COX4I1: variants seen among roughly 807,000 people sequenced by gnomAD.
COX4I1 encodes cytochrome c oxidase subunit 4I1, also known as cytochrome c oxidase subunit 4 isoform 1, mitochondrial.
A neutral mutation model predicts 21.7 loss-of-function variants in COX4I1; 18 were observed. The ratio of observed to expected loss-of-function variants is 0.83; its 90% CI spans 0.57 to 1.23. The LOEUF is 1.23. Ranked by LOEUF, COX4I1 falls within the 50% of genes most tolerant of loss-of-function variation. COX4I1 has a pLI of 0.00. For missense variants in COX4I1, 238 were observed against 220.7 expected (o/e 1.08, Z -0.50); for synonymous variants, 100 against 81.5 (o/e 1.23, Z -1.23).
At chr16:85,806,462 T>G (rs910293669) in intron 4 of COX4I1, 1 of 703,910 alleles carries the variant, frequency 1.4e-6, no homozygotes, top group Non-Finnish European at 2.6e-6. Context: ...CCAGGTCACC[T>G]TGGGCTCTGT....
chr16:85,806,955 AT>A lies in COX4I1; in HGVS notation c.*82del. 6.7e-7 allele frequency: 1 copy of A among 1,481,596 alleles called. No individual in the cohort carries two copies. 91.8% of individuals were successfully genotyped at this position (1,481,596 alleles called of 1,614,324 possible). A position where few individuals can be genotyped will look rare whatever the true frequency, so the allele number is the denominator to read the frequency against. On this transcript the variant is annotated 3_prime_UTR_variant, in exon 5 of 5. Transcript: ENST00000253452. ...CATGCCTATTTACTGGAAACCTGTT[AT>A]GCCAAACAGTTGTACCACTGCTAAT...
At position 85,801,198 on chromosome 16, in the gene COX4I1, C is replaced by T. The variant is rs375272236; in HGVS notation, c.-1-7C>T. Reference sequence around the variant, plus strand: ...TCATAGAGAAGGTGTACATTTTTATCTTTCAGAATGTTGGCTACCAGGGTA... The same window carrying T: ...TCATAGAGAAGGTGTACATTTTTATTTTTCAGAATGTTGGCTACCAGGGTA... On this transcript the variant is annotated splice_polypyrimidine_tract_variant and splice_region_variant and intron_variant, in intron 1 of 4. Transcript: ENST00000253452. The T allele has an allele frequency of 7.5e-6, 12 of 1,602,322 alleles. No homozygotes were observed. Among genetic ancestry groups the T allele is most frequent in the Non-Finnish European group, 9.4e-6 (11 of 1,170,286 alleles).
chr16:85,804,943 T>C lies in COX4I1; in HGVS notation c.80T>C (p.Val27Ala). The part of the protein sequence containing the change: ...TSVCVRAHES[V>A]VKSEDFSLPA... Reference sequence around the variant, plus strand: ...TATTCAATATGTTTTTCAGAAAGTGTTGTGAAGAGCGAAGACTTTTCGCTC... The same window carrying C: ...TATTCAATATGTTTTTCAGAAAGTGCTGTGAAGAGCGAAGACTTTTCGCTC... The change falls in exon 3 of 5, where the codon GTT becomes GCT. Residue 27 changes from valine (V) to alanine (A), a missense_variant. By Grantham distance (64) the Val-to-Ala change is moderately conservative. Transcript: ENST00000253452. The C allele has an allele frequency of 6.2e-7, 1 of 1,606,750 alleles. No individual in the cohort carries two copies. The highest frequency in any genetic ancestry group is 8.5e-7 in the Non-Finnish European group (1 of 1,177,082).
intron 1 of COX4I1, among the ~76,000 whole-genome samples, chr16:85,800,564 C>T (rs1046217354): frequency 9.8e-5 from 15 of 152,342 alleles, no homozygotes; most frequent in Non-Finnish European, 7.3e-5. Context: ...TCTGTCACGG[C>T]AGCACAGTGC....
At chr16:85,801,475 T>G (rs1164130115) in intron 2 of COX4I1, among the ~76,000 whole-genome samples, 197 bp downstream of exon 2, 1 of 152,138 alleles carries the variant, frequency 6.6e-6, no homozygotes, top group Non-Finnish European at 1.5e-5. Flanking sequence ...CTTCTGGATC[T>G]TTGGTTATAC....
In COX4I1 at chr16:85,799,848, G is replaced by C. The variant is rs563838844; in HGVS notation, c.-2+96G>C. 1.3e-5 allele frequency: 2 copies of C among 152,496 alleles called. No individual in the cohort carries two copies. Among genetic ancestry groups the C allele is most frequent in the East Asian group, 1.9e-4 (1 of 5,162 alleles). 9.4% of individuals were successfully genotyped at this position (152,496 alleles called of 1,614,324 possible). ...TGCACGTCCGCAGCCTGGCCGCTCG[G>C]CTTCAGCAGGAAGCACCGAATGGGC... On this transcript the variant is annotated intron_variant, in intron 1 of 4. Coordinates refer to ENST00000253452, the MANE Select transcript of COX4I1 (RefSeq NM_001861.6). The surrounding 1 kb of genome is among the most constrained non-coding windows in gnomAD (Gnocchi z 4.2).
chr16:85,806,213 A>T, intron 4 of COX4I1: 1 of 589,156 alleles, frequency 1.7e-6, no homozygotes, highest in Non-Finnish European at 3.0e-6. Context: ...GGACTCATTC[A>T]TTGAATGACT....
At chr16:85,805,555 C>A (rs1164086601) in intron 3 of COX4I1, 178 bp from the exon 4 acceptor site, 2 of 834,096 alleles carry the variant, frequency 2.4e-6, no homozygotes, top group South Asian at 1.9e-5. Context: ...TGTCACATGC[C>A]TGCGTGGGCA....
intron 4 of COX4I1, chr16:85,806,108 A>G (rs1906178154): frequency 6.7e-6 from 4 of 601,024 alleles, no homozygotes; most frequent in Non-Finnish European, 1.2e-5. Context: ...TACCTTAACT[A>G]CTTTGTACAG....
At chr16:85,804,828 C>G in intron 2 of COX4I1, 109 bp from the exon 3 acceptor site, 1 of 943,726 alleles carries the variant, frequency 1.1e-6, no homozygotes, top group South Asian at 1.7e-5. Flanking sequence ...TGAGATGATC[C>G]AGGGTTTCAA....
At chr16:85,802,467 C>T (rs985413956) in intron 2 of COX4I1, among the ~76,000 whole-genome samples, 4 of 152,306 alleles carry the variant, frequency 2.6e-5, no homozygotes, top group Middle Eastern at 3.4e-3. Context: ...CAGATGAAGA[C>T]GAACTGCAGG....
In COX4I1 at chr16:85,805,842, TATC is replaced by T. The variant is rs1906154839; in HGVS notation, c.354_356del (p.Ile118del). On this transcript the variant is annotated inframe_deletion, in exon 4 of 5. Coordinates refer to ENST00000253452, the MANE Select transcript of COX4I1 (RefSeq NM_001861.6). ...TCTTCATCGGTTTCACCGCGCTCGT[TATC>T]ATGTGGCAGAAGCACTATGGTGAGT... 1 of 1,614,126 alleles carries T rather than the reference TATC, an allele frequency of 6.2e-7. No homozygotes were observed. Among genetic ancestry groups the T allele is most frequent in the Non-Finnish European group, 8.5e-7 (1 of 1,180,060 alleles).
intron 2 of COX4I1, among the ~76,000 whole-genome samples, chr16:85,801,590 C>G (rs1477884174): frequency 2.0e-5 from 3 of 152,056 alleles, no homozygotes; most frequent in Non-Finnish European, 4.4e-5. Flanking sequence ...CCTTAATGAC[C>G]TCCCTCCCCA....
Position 85,805,823 on chromosome 16 carries a change from T to C in COX4I1, c.332T>C (p.Ile111Thr), listed in dbSNP as rs1348177297. Residue 111 changes from isoleucine to threonine, a missense_variant, in exon 4 of 5, where the codon ATC becomes ACC. Coordinates refer to ENST00000253452, the MANE Select transcript of COX4I1 (RefSeq NM_001861.6). ...GTTGTGGGCGGTGCCATGTTCTTCA[T>C]CGGTTTCACCGCGCTCGTTATCATG... The part of the protein sequence containing the change: ...KTVVGGAMFF[I>T]GFTALVIMWQ... 5.0e-6 allele frequency: 8 copies of C among 1,614,244 alleles called. No homozygotes were observed. The highest frequency in any genetic ancestry group is 1.3e-5 in the African/African-American group (1 of 75,058).
At chr16:85,801,565 A>C (rs570733331) in intron 2 of COX4I1, among the ~76,000 whole-genome samples, 21 of 152,264 alleles carry the variant, frequency 1.4e-4, no homozygotes, top group Admixed American at 1.3e-3. Context: ...GATCTTCTGC[A>C]CCATAACTGA....
At chr16:85,802,619 G>A (rs905226317) in intron 2 of COX4I1, among the ~76,000 whole-genome samples, 1 of 152,252 alleles carries the variant, frequency 6.6e-6, no homozygotes, top group African/African-American at 2.4e-5. Flanking sequence ...TATTTGTGTG[G>A]TGATGCACCT....
intron 2 of COX4I1, among the ~76,000 whole-genome samples, chr16:85,802,424 T>A (rs1242692041): frequency 1.3e-5 from 2 of 152,246 alleles, no homozygotes; most frequent in African/African-American, 4.8e-5. Flanking sequence ...CCTGCCTGTC[T>A]TACTCATTGC....
At chr16:85,805,671 T>A in intron 3 of COX4I1, 62 bp from the exon 4 acceptor site, 1 of 1,601,966 alleles carries the variant, frequency 6.2e-7, no homozygotes, top group Non-Finnish European at 8.5e-7. Flanking sequence ...AGTGGTTGAA[T>A]GTTGCAGAGG....
intron 4 of COX4I1, 61 bp downstream of exon 4, chr16:85,805,925 T>C: frequency 3.1e-6 from 5 of 1,604,122 alleles, no homozygotes; most frequent in Non-Finnish European, 4.3e-6. Flanking sequence ...GCAGTGCCCA[T>C]TGGTGGGCTG....
Sources: gnomAD v4.1 joint callset for allele counts (sites outside exome capture counted in the v4.1 genomes callset) on GRCh38, gnomAD v4.1.1 for gene constraint, Gnocchi (gnomAD v3.1) non-coding constraint, MANE v1.5 for transcripts, NCBI Gene and HGNC (gene_info 2026-07-23, HGNC 2026-07-21) for gene names.